The following RAP1GAP2 variants were observed in gnomAD, a reference collection of about 807,000 sequenced individuals.
RAP1GAP2 encodes the protein RAP1 GTPase activating protein 2.
A neutral mutation model predicts 95.0 loss-of-function variants in RAP1GAP2; 27 were observed. That is an observed-to-expected ratio of 0.28 (90% confidence interval 0.21 to 0.39). The LOEUF is 0.39. Ranked by LOEUF, RAP1GAP2 falls within the 10% of genes least tolerant of loss-of-function variation. The pLI is 1.00. For missense variants in RAP1GAP2, 771 were observed against 970.0 expected (o/e 0.79, Z 2.72); for synonymous variants, 373 against 380.9 (o/e 0.98, Z 0.24).
At chr17:2,984,879 G>C (rs2045501051) in intron 10 of RAP1GAP2, 104 bp from the exon 11 acceptor site, 1 of 1,547,152 alleles carries the variant, frequency 6.5e-7, no homozygotes, top group Non-Finnish European at 8.7e-7. Flanking sequence ...TCATACCAGG[G>C]AACACATTCT....
intron 2 of RAP1GAP2, among the ~76,000 whole-genome samples, chr17:2,876,159 G>A (rs1380989113): frequency 6.6e-6 from 1 of 151,902 alleles, no homozygotes; most frequent in Non-Finnish European, 1.5e-5. Context: ...GGATGGTCTT[G>A]ATCTCCTGAC....
At chr17:2,997,437 G>T (rs1365020871) in intron 13 of RAP1GAP2, among the ~76,000 whole-genome samples, 1 of 152,148 alleles carries the variant, frequency 6.6e-6, no homozygotes, top group Non-Finnish European at 1.5e-5. Context: ...AGTTTTCTCA[G>T]GTGGCTTCAC....
At chr17:2,795,732 C>T (rs1304212042), upstream of RAP1GAP2, among the ~76,000 whole-genome samples, 1 of 152,120 alleles carries the variant, frequency 6.6e-6, no homozygotes, top group Admixed American at 6.5e-5. Context: ...GTGCACGTGT[C>T]CAATGGGGCT....
At chr17:2,895,900 G>A (rs2041807493) in intron 2 of RAP1GAP2, among the ~76,000 whole-genome samples, 2 of 152,128 alleles carry the variant, frequency 1.3e-5, no homozygotes, top group Non-Finnish European at 2.9e-5. Flanking sequence ...TTGCCAGCCT[G>A]CTGTGCCCTC....
chr17:2,781,172 T>G (rs1318956022), intron 1 of RAP1GAP2, among the ~76,000 whole-genome samples: 1 of 152,218 alleles, frequency 6.6e-6, no homozygotes, highest in Non-Finnish European at 1.5e-5. Context: ...CTCCTTTCCC[T>G]AGTTCAGATC....
chr17:2,770,238 C>T (rs114046536), intron 1 of RAP1GAP2: 30,803 of 397,744 alleles, frequency 0.077, 1,490 homozygotes, highest in South Asian at 0.17. Flanking sequence ...AACAGGTACC[C>T]CTCAGCAATT....
At chr17:2,912,540 G>A (rs1317203424) in intron 3 of RAP1GAP2, among the ~76,000 whole-genome samples, 1 of 152,112 alleles carries the variant, frequency 6.6e-6, no homozygotes, top group Non-Finnish European at 1.5e-5. Flanking sequence ...AGGAAGGGCT[G>A]AAGGACATCA....
chr17:2,850,838 A>C (rs2071815475), intron 2 of RAP1GAP2, among the ~76,000 whole-genome samples: 1 of 151,672 alleles, frequency 6.6e-6, no homozygotes. Flanking sequence ...AGGCAGGCGG[A>C]TCACCTGAGG....
At chr17:2,869,998 G>C (rs1472967619) in intron 2 of RAP1GAP2, among the ~76,000 whole-genome samples, 1 of 151,862 alleles carries the variant, frequency 6.6e-6, no homozygotes, top group Non-Finnish European at 1.5e-5. Flanking sequence ...ATGGGCAGCA[G>C]CTACTCCAGG....
intron 2 of RAP1GAP2, among the ~76,000 whole-genome samples, chr17:2,885,154 C>T (rs1389905159): frequency 6.6e-6 from 1 of 151,814 alleles, no homozygotes; most frequent in Admixed American, 6.6e-5. Context: ...CTGCCTCAGC[C>T]TCCCCAGTAG....
intron 3 of RAP1GAP2, among the ~76,000 whole-genome samples, chr17:2,952,948 G>A (rs2043969162): frequency 6.6e-6 from 1 of 152,022 alleles, no homozygotes; most frequent in East Asian, 1.9e-4. Flanking sequence ...GGGATTACAG[G>A]TGTGCGCCAC....
chr17:2,828,598 G>T (rs545822348), intron 2 of RAP1GAP2, among the ~76,000 whole-genome samples: 14 of 152,170 alleles, frequency 9.2e-5, no homozygotes, highest in African/African-American at 3.4e-4. Context: ...CAGTTTCCCC[G>T]TCCGCCAGCA....
intron 4 of RAP1GAP2, among the ~76,000 whole-genome samples, chr17:2,959,652 C>T (rs1001739381): frequency 9.9e-5 from 15 of 152,160 alleles, no homozygotes; most frequent in East Asian, 1.9e-4. Flanking sequence ...AACTGGAATC[C>T]GGGATTCCCG....
chr17:2,914,764 A>C (rs2151752164), intron 3 of RAP1GAP2, among the ~76,000 whole-genome samples: 1 of 147,662 alleles, frequency 6.8e-6, no homozygotes, highest in East Asian at 2.0e-4. Context: ...TGCTGGGATT[A>C]CAGGTGCGAG....
chr17:2,887,661 C>G (rs2073545873), intron 2 of RAP1GAP2, among the ~76,000 whole-genome samples: 2 of 150,600 alleles, frequency 1.3e-5, no homozygotes, highest in Admixed American at 1.3e-4. Context: ...AGGCGTGAGC[C>G]ACCGCGCTTG....
intron 12 of RAP1GAP2, among the ~76,000 whole-genome samples, chr17:2,993,580 A>T (rs1207055126): frequency 1.3e-5 from 2 of 148,648 alleles, no homozygotes; most frequent in Non-Finnish European, 3.0e-5. Flanking sequence ...CTAAAAAAAA[A>T]AAAATAAATA....
chr17:3,015,229 C>T (rs529645657), intron 17 of RAP1GAP2, among the ~76,000 whole-genome samples: 1 of 152,218 alleles, frequency 6.6e-6, no homozygotes, highest in East Asian at 1.9e-4. Flanking sequence ...AGATGTCCCT[C>T]CAGGGGCATC....
intron 8 of RAP1GAP2, among the ~76,000 whole-genome samples, chr17:2,975,097 G>A (rs2045054209): frequency 6.6e-6 from 1 of 152,140 alleles, no homozygotes; most frequent in Admixed American, 6.5e-5. Flanking sequence ...GGGCGTAGTG[G>A]CATGTGCCTG....
rs909502897 is a variant in RAP1GAP2 at position 2,866,970 on chromosome 17, G to A, written c.81-38314G>A. On this transcript the variant is annotated intron_variant, in intron 2 of 24. Transcript: ENST00000254695. The surrounding 1 kb of genome is among the most constrained non-coding windows in gnomAD (Gnocchi z 4.0). ...GGCTGGAGTGCAGTGGTACAATCTC[G>A]GCTCACTGCAACCTCCACCTCTCAG... Among the ~76,000 whole-genome samples, 14 of 151,758 alleles carry A rather than the reference G, an allele frequency of 9.2e-5. No homozygotes were observed. Among genetic ancestry groups the A allele is most frequent in the Admixed American group, 2.6e-4 (4 of 15,196 alleles).
Sources: allele counts gnomAD v4.1 joint callset (sites outside exome capture counted in the v4.1 genomes callset), GRCh38; gene constraint gnomAD v4.1.1; non-coding constraint Gnocchi (gnomAD v3.1); transcripts MANE v1.5; gene names NCBI Gene and HGNC (gene_info 2026-07-23, HGNC 2026-07-21).